IGSF10: variants seen among roughly 807,000 people sequenced by gnomAD.
IGSF10 encodes the protein calvaria mechanical force protein 608.
IGSF10 carries 126 observed loss-of-function variants against 128.2 expected under a neutral mutation model. The ratio of observed to expected loss-of-function variants is 0.98; its 90% CI spans 0.85 to 1.14. IGSF10 has a LOEUF of 1.14. IGSF10 is among the 50% of genes most tolerant of loss of function. The pLI is 0.00. For synonymous variants in IGSF10, 1,185 were observed against 1,146.2 expected (o/e 1.03, Z -0.68); for missense variants, 3,295 against 3,149.8 (o/e 1.05, Z -1.10).
upstream of IGSF10, among the ~76,000 whole-genome samples, chr3:151,463,523 G>GTTTTTTTTTTTTTGT (rs1722144272): frequency 9.6e-5 from 3 of 31,270 alleles, no homozygotes; most frequent in African/African-American, 1.2e-4. Flanking sequence ...ACATTTTCTG[G>GTTTTTTTTTTTTTGT]TTTTTTTTTT....
At chr3:151,432,921 ATATTT>A, downstream of IGSF10, 2 of 741,708 alleles carry the variant, frequency 2.7e-6, no homozygotes, top group East Asian at 5.8e-5. Flanking sequence ...ACATTTTACT[ATATTT>A]TATGCTACAT....
At chr3:151,538,588 A>G in the IGSF10 span, among the ~76,000 whole-genome samples, 3 of 152,190 alleles carry the variant, frequency 2.0e-5, no homozygotes, top group African/African-American at 4.8e-5. Context: ...CAATATTTAA[A>G]CAAACACAAT....
the IGSF10 span, among the ~76,000 whole-genome samples, chr3:151,508,923 G>A: frequency 3.9e-5 from 6 of 152,054 alleles, no homozygotes; most frequent in Non-Finnish European, 5.9e-5. Context: ...TATAATTATG[G>A]TTATTATGTT....
At chr3:151,606,013 A>G in the IGSF10 span, among the ~76,000 whole-genome samples, 1 of 152,218 alleles carries the variant, frequency 6.6e-6, no homozygotes, top group Non-Finnish European at 1.5e-5. Flanking sequence ...TCCAGAGACC[A>G]CTATTGGGAA....
chr3:151,520,042 T>A, the IGSF10 span, among the ~76,000 whole-genome samples: 1 of 151,866 alleles, frequency 6.6e-6, no homozygotes, highest in Non-Finnish European at 1.5e-5. Context: ...GTTCACCAGA[T>A]TCCCTTTCTA....
chr3:151,605,390 C>T, the IGSF10 span, among the ~76,000 whole-genome samples: 3 of 152,170 alleles, frequency 2.0e-5, no homozygotes, highest in East Asian at 5.8e-4. Context: ...GTTAGCCTTA[C>T]AGTCAGCTGT....
the IGSF10 span, among the ~76,000 whole-genome samples, chr3:151,520,511 C>T: frequency 6.6e-6 from 1 of 151,754 alleles, no homozygotes; most frequent in Non-Finnish European, 1.5e-5. Flanking sequence ...CAAAGAACCC[C>T]ATGAGACTAA....
rs549927089 is a variant in IGSF10, at chr3:151,456,916, T to A, written c.324+110A>T. On this transcript the variant is annotated intron_variant, in intron 4 of 7. Transcript: ENST00000282466. The stretch of plus-strand genomic sequence containing the variant: ...ATTCTCCATTGACGTCTGCTTCTAA[T>A]TTACAGAATGTTGATTTTCGTATTG... 37 of 1,062,654 alleles carry A rather than the reference T, an allele frequency of 3.5e-5. No homozygotes were observed. The Middle Eastern group carries it at 8.4e-4, about 24-fold the overall frequency. The allele number at this position is 1,062,654 out of a possible 1,614,324, so 65.8% of individuals were successfully genotyped here.
Position 151,438,532 on chromosome 3 carries a change from T to G in IGSF10, c.6029A>C (p.Asp2010Ala), listed in dbSNP as rs759863150. ...TGCCACACACAAGTAGACACCACTG[T>G]CTTTTTCTGTTACTGATCCAATAAA... is the stretch of plus-strand genomic sequence containing the variant. ...SLFIGSVTEK[D>A]SGVYLCVARN... is the part of the protein sequence containing the mutation. Residue 2010 changes from aspartate (D) to alanine (A), a missense_variant, in exon 8 of 8, where the codon GAC becomes GCC. Asp to Ala is a moderately radical substitution (Grantham distance 126, BLOSUM62 -2). Coordinates refer to ENST00000282466, the MANE Select transcript of IGSF10 (RefSeq NM_178822.5). 6.2e-7 allele frequency: 1 copy of G among 1,614,030 alleles called. No individual in the cohort carries two copies. The highest frequency in any genetic ancestry group is 1.3e-5 in the African/African-American group (1 of 75,048).
the IGSF10 span, chr3:151,476,179 G>A: frequency 6.6e-6 from 1 of 152,108 alleles, no homozygotes; most frequent in Non-Finnish European, 1.5e-5. Context: ...ATGATGTATT[G>A]AGATACTTAT....
chr3:151,486,214 A>G, the IGSF10 span, among the ~76,000 whole-genome samples: 1 of 152,182 alleles, frequency 6.6e-6, no homozygotes, highest in Admixed American at 6.5e-5. Flanking sequence ...AAACCAAAAG[A>G]GACAAAGAAG....
chr3:151,588,526 A>G, the IGSF10 span, among the ~76,000 whole-genome samples: 1 of 152,176 alleles, frequency 6.6e-6, no homozygotes, highest in African/African-American at 2.4e-5. Context: ...ACACACTAAT[A>G]TTTTTGTATA....
the IGSF10 span, among the ~76,000 whole-genome samples, chr3:151,598,039 A>T: frequency 6.6e-6 from 1 of 151,608 alleles, no homozygotes; most frequent in African/African-American, 2.4e-5. Flanking sequence ...CAATAGCAAT[A>T]ACAGAAATGT....
At chr3:151,473,636 A>G in the IGSF10 span, among the ~76,000 whole-genome samples, 1 of 152,194 alleles carries the variant, frequency 6.6e-6, no homozygotes, top group African/African-American at 2.4e-5. Flanking sequence ...CCACAAAAAA[A>G]GTAAATTTCC....
upstream of IGSF10, among the ~76,000 whole-genome samples, chr3:151,465,241 C>A (rs955697121): frequency 6.6e-6 from 1 of 152,230 alleles, no homozygotes; most frequent in East Asian, 1.9e-4. Flanking sequence ...ATCCAAGGAT[C>A]CTAGGAAAGC....
the IGSF10 span, among the ~76,000 whole-genome samples, chr3:151,511,444 C>T: frequency 6.6e-6 from 1 of 152,156 alleles, no homozygotes; most frequent in East Asian, 1.9e-4. Context: ...CAGGCCTGCC[C>T]TAAAAGAGCT....
At chr3:151,588,256 ACTT>A in the IGSF10 span, among the ~76,000 whole-genome samples, 2 of 152,088 alleles carry the variant, frequency 1.3e-5, no homozygotes, top group African/African-American at 2.4e-5. Flanking sequence ...TTTTGAATTC[ACTT>A]CTTCTGCTGG....
intron 5 of IGSF10, among the ~76,000 whole-genome samples, chr3:151,449,870 A>G (rs1337256996): frequency 6.6e-6 from 1 of 152,180 alleles, no homozygotes; most frequent in African/African-American, 2.4e-5. Flanking sequence ...AGAAGGTAGA[A>G]CCAATCAATA....
At chr3:151,454,660 T>C (rs1721691716) in intron 4 of IGSF10, among the ~76,000 whole-genome samples, 1 of 152,162 alleles carries the variant, frequency 6.6e-6, no homozygotes, top group Non-Finnish European at 1.5e-5. Flanking sequence ...AGAGAGACTA[T>C]TGATTTTAAT....
Sources: allele counts gnomAD v4.1 joint callset (sites outside exome capture counted in the v4.1 genomes callset), GRCh38; gene constraint gnomAD v4.1.1; transcripts MANE v1.5; gene names NCBI Gene and HGNC (gene_info 2026-07-23, HGNC 2026-07-21).